Variants in CHODL observed in about 807,000 individuals in gnomAD.
CHODL encodes the protein chondrolectin.
Under a neutral mutation model 34.5 loss-of-function variants are expected in CHODL, and 29 were observed. The ratio of observed to expected loss-of-function variants is 0.84; its 90% CI spans 0.63 to 1.15. The LOEUF (loss-of-function observed/expected upper bound fraction) is 1.15, where lower values mean the gene tolerates loss of function less well. Ranked by LOEUF, CHODL falls within the 50% of genes most tolerant of loss-of-function variation. The probability of loss-of-function intolerance (pLI) is 0.00; values close to 1 mark genes in which losing one functional copy is unlikely to be tolerated. For missense variants in CHODL, 332 were observed against 332.5 expected (o/e 1.00, Z 0.01); for synonymous variants, 125 against 116.1 (o/e 1.08, Z -0.49).
chr21:18,168,563 G>T (rs1460013574), intron 2 of CHODL, among the ~76,000 whole-genome samples: 2 of 152,248 alleles, frequency 1.3e-5, no homozygotes, highest in East Asian at 1.9e-4. Flanking sequence ...TTGGCCATTT[G>T]TATGTCTTCT....
intron 1 of CHODL, among the ~76,000 whole-genome samples, chr21:17,922,689 A>T (rs552905309): frequency 6.6e-4 from 101 of 152,346 alleles, no homozygotes; most frequent in African/African-American, 2.2e-3. Flanking sequence ...ATGTGGGGTG[A>T]CATTCCTTAT....
intron 2 of CHODL, among the ~76,000 whole-genome samples, chr21:18,186,497 A>G (rs894151632): frequency 6.6e-6 from 1 of 152,144 alleles, no homozygotes; most frequent in African/African-American, 2.4e-5. Flanking sequence ...CCCTTTGCTT[A>G]GACCAAAGGC....
upstream of CHODL, among the ~76,000 whole-genome samples, chr21:18,241,193 G>A (rs2074078489): frequency 6.6e-6 from 1 of 150,960 alleles, no homozygotes; most frequent in South Asian, 2.1e-4. Context: ...TATTGGGAGG[G>A]AAAACCTTGG....
intron 1 of CHODL, among the ~76,000 whole-genome samples, chr21:18,251,718 AAAAT>A (rs1270977512): frequency 7.1e-6 from 1 of 141,130 alleles, no homozygotes; most frequent in East Asian, 2.1e-4. Flanking sequence ...TTTAATATAT[AAAAT>A]AAATATTTAT....
intron 2 of CHODL, among the ~76,000 whole-genome samples, chr21:18,109,630 T>TC (rs987124755): frequency 6.6e-6 from 1 of 152,154 alleles, no homozygotes; most frequent in Non-Finnish European, 1.5e-5. Flanking sequence ...TTGTTTTTTT[T>TC]CCCCTCATCT....
At chr21:18,124,976 G>A (rs1424862618) in intron 2 of CHODL, among the ~76,000 whole-genome samples, 1 of 152,188 alleles carries the variant, frequency 6.6e-6, no homozygotes, top group Non-Finnish European at 1.5e-5. Context: ...CTACCAATCT[G>A]TCTAAATCCA....
At chr21:17,942,491 A>G (rs988229924) in intron 1 of CHODL, among the ~76,000 whole-genome samples, 1 of 152,198 alleles carries the variant, frequency 6.6e-6, no homozygotes, top group African/African-American at 2.4e-5. Flanking sequence ...GCCACATGGA[A>G]CTGTGAGTCC....
At chr21:18,080,531 G>C (rs2146513095) in intron 2 of CHODL, among the ~76,000 whole-genome samples, 1 of 152,144 alleles carries the variant, frequency 6.6e-6, no homozygotes, top group East Asian at 1.9e-4. Context: ...ATGGGTTCAA[G>C]TTTATTCTTC....
chr21:18,156,982 T>G (rs1208901273), intron 2 of CHODL, among the ~76,000 whole-genome samples: 1 of 152,214 alleles, frequency 6.6e-6, no homozygotes, highest in Non-Finnish European at 1.5e-5. Flanking sequence ...TGGCTTAAGT[T>G]CCTCACAACA....
At chr21:17,991,770 T>C (rs149788) in intron 1 of CHODL, among the ~76,000 whole-genome samples, 82,302 of 151,516 alleles carry the variant, frequency 0.54, 23,246 homozygotes, top group African/African-American at 0.69. Flanking sequence ...TGCTCCCATT[T>C]AACAGGTTGT....
At chr21:18,089,253 G>C (rs1247433823) in intron 2 of CHODL, among the ~76,000 whole-genome samples, 4 of 151,884 alleles carry the variant, frequency 2.6e-5, no homozygotes, top group Non-Finnish European at 5.9e-5. Context: ...CCTCTCTCTA[G>C]CTATCCTGCC....
At chr21:18,048,298 CTG>C (rs2064470158) in intron 2 of CHODL, among the ~76,000 whole-genome samples, 1 of 151,776 alleles carries the variant, frequency 6.6e-6, no homozygotes. Flanking sequence ...CTCTTCAACT[CTG>C]AGACTTTTGT....
chr21:18,072,600 G>A (rs758640510), intron 2 of CHODL, among the ~76,000 whole-genome samples: 3 of 152,068 alleles, frequency 2.0e-5, no homozygotes, highest in Non-Finnish European at 4.4e-5. Context: ...GTAGGGTACA[G>A]TCCTAATTTT....
At chr21:18,128,492 T>G (rs1035149214) in intron 2 of CHODL, among the ~76,000 whole-genome samples, 1 of 151,936 alleles carries the variant, frequency 6.6e-6, no homozygotes, top group African/African-American at 2.4e-5. Context: ...TTAAGGAAAC[T>G]TCAATAAAAT....
chr21:18,215,497 G>GT (rs1447782313), intron 2 of CHODL, among the ~76,000 whole-genome samples: 1 of 151,938 alleles, frequency 6.6e-6, no homozygotes, highest in East Asian at 1.9e-4. Flanking sequence ...TTCAAATTTA[G>GT]TTCAATTCCT....
intron 2 of CHODL, among the ~76,000 whole-genome samples, chr21:18,114,499 C>T (rs1193831419): frequency 6.6e-6 from 1 of 152,150 alleles, no homozygotes; most frequent in Non-Finnish European, 1.5e-5. Flanking sequence ...GTTGCCCAGG[C>T]TGGAGTGCAA....
At chr21:17,998,446 G>C (rs1321651142) in intron 1 of CHODL, among the ~76,000 whole-genome samples, 1 of 152,206 alleles carries the variant, frequency 6.6e-6, no homozygotes, top group Non-Finnish European at 1.5e-5. Flanking sequence ...GCTCCATTAG[G>C]TGGTGCCCCA....
chr21:18,166,938 A>G (rs2073160640), intron 2 of CHODL, among the ~76,000 whole-genome samples: 1 of 152,100 alleles, frequency 6.6e-6, no homozygotes, highest in Non-Finnish European at 1.5e-5. Flanking sequence ...GCTTGCTAAT[A>G]TGTACCTATG....
At chr21:18,258,536 C>T (rs558632005) in intron 3 of CHODL, among the ~76,000 whole-genome samples, 15 of 152,120 alleles carry the variant, frequency 9.9e-5, no homozygotes, top group Admixed American at 9.8e-4. Flanking sequence ...GTAAATCTTA[C>T]AATCTTCTTT....
Sources: allele counts gnomAD v4.1 joint callset (sites outside exome capture counted in the v4.1 genomes callset), GRCh38; gene constraint gnomAD v4.1.1; transcripts MANE v1.5; gene names NCBI Gene and HGNC (gene_info 2026-07-23, HGNC 2026-07-21).